Variants in TBC1D9 observed in about 807,000 individuals in gnomAD.
The protein encoded by TBC1D9 is TBC1 domain family member 9.
Under a neutral mutation model 132.0 loss-of-function variants are expected in TBC1D9, and 63 were observed. That is an observed-to-expected ratio of 0.48 (90% confidence interval 0.39 to 0.59). The LOEUF is 0.59. Among genes scored for constraint, TBC1D9 ranks in the 20% least tolerant of loss-of-function variants. The probability of loss-of-function intolerance (pLI) is 0.00; values close to 1 mark genes in which losing one functional copy is unlikely to be tolerated. For missense variants in TBC1D9, 1,261 were observed against 1,592.7 expected (o/e 0.79, Z 3.54); for synonymous variants, 610 against 609.9 (o/e 1.00, Z 0.00).
intron 2 of TBC1D9, 23 bp from the exon 3 acceptor site, chr4:140,686,485 T>A: frequency 7.1e-7 from 1 of 1,415,386 alleles, no homozygotes; most frequent in Non-Finnish European, 9.9e-7. Flanking sequence ...AAATAATAAT[T>A]CATGTCAGAT....
intron 13 of TBC1D9, among the ~76,000 whole-genome samples, chr4:140,649,738 G>T (rs1268683501): frequency 6.6e-6 from 1 of 152,120 alleles, no homozygotes; most frequent in East Asian, 1.9e-4. Context: ...AGAGGGTGAG[G>T]GGGGCAGAGG....
intron 9 of TBC1D9, among the ~76,000 whole-genome samples, chr4:140,664,249 A>T (rs1157866511): frequency 6.6e-6 from 1 of 151,858 alleles, no homozygotes; most frequent in Non-Finnish European, 1.5e-5. Flanking sequence ...GCTGCAGGAT[A>T]CAAAAAAGAA....
intron 1 of TBC1D9, among the ~76,000 whole-genome samples, chr4:140,739,042 C>T (rs1489484561): frequency 1.3e-5 from 2 of 152,086 alleles, no homozygotes; most frequent in East Asian, 3.9e-4. Context: ...GATGGAGTTT[C>T]GCTCTTGCTG....
At chr4:140,628,550 C>A (rs953961363) in intron 16 of TBC1D9, among the ~76,000 whole-genome samples, 185 bp from the exon 17 acceptor site, 10 of 152,208 alleles carry the variant, frequency 6.6e-5, no homozygotes, top group Non-Finnish European at 1.5e-4. Context: ...AAATCCTCTG[C>A]ATGTACTACA....
Position 140,690,115 on chromosome 4 carries a change from ATGG to A in TBC1D9, c.242-3656_242-3654del, listed in dbSNP as rs1484147846. Among the ~76,000 whole-genome samples the A allele has an allele frequency of 2.6e-5, 4 of 152,162 alleles. No homozygotes were observed. The East Asian group carries it at 7.8e-4, about 30-fold the overall frequency. On this transcript the variant is annotated intron_variant, in intron 2 of 20. Coordinates refer to ENST00000442267, the MANE Select transcript of TBC1D9 (RefSeq NM_015130.3). ...CCACACACACACTCCCATAGCAGAA[ATGG>A]TATATGCCCATATGAATGCACTCCT...
intron 13 of TBC1D9, among the ~76,000 whole-genome samples, chr4:140,649,629 G>GC (rs1281618118): frequency 6.6e-6 from 1 of 152,202 alleles, no homozygotes; most frequent in East Asian, 1.9e-4. Context: ...CGAAGGAGCA[G>GC]CCCCACACAC....
rs369018211 is a variant in TBC1D9, at chr4:140,691,445, C to A, written c.242-4983G>T. On this transcript the variant is annotated intron_variant, in intron 2 of 20. Transcript: ENST00000442267. ...ATAATATGAAGCTCCTTTGTCATGA[C>A]CCTGACAAGGAACTGATCTATTTAC... is the stretch of plus-strand genomic sequence containing the variant. 2.0e-4 allele frequency among the ~76,000 whole-genome samples: 30 copies of A among 152,266 alleles called. No individual in the cohort carries two copies. In the East Asian group the frequency reaches 4.4e-3, roughly 23 times the overall value.
intron 1 of TBC1D9, among the ~76,000 whole-genome samples, chr4:140,736,019 G>C (rs529331471): frequency 6.6e-6 from 1 of 152,306 alleles, no homozygotes; most frequent in South Asian, 2.1e-4. Context: ...CCTGAAACTG[G>C]AATGATACTG....
At chr4:140,667,084 C>T (rs183675212) in intron 9 of TBC1D9, among the ~76,000 whole-genome samples, 1 of 152,322 alleles carries the variant, frequency 6.6e-6, no homozygotes, top group African/African-American at 2.4e-5. Context: ...GTCATGATGC[C>T]GTCACCCTAA....
At chr4:140,699,729 A>T (rs988744075) in intron 2 of TBC1D9, among the ~76,000 whole-genome samples, 1 of 152,214 alleles carries the variant, frequency 6.6e-6, no homozygotes, top group South Asian at 2.1e-4. Flanking sequence ...CTGAAACAGA[A>T]AAAGAAAATG....
chr4:140,725,577 G>A (rs1382574469), intron 1 of TBC1D9, among the ~76,000 whole-genome samples: 2 of 152,222 alleles, frequency 1.3e-5, no homozygotes, highest in Non-Finnish European at 2.9e-5. Flanking sequence ...TTTTACAACT[G>A]GTGGCAGTTC....
intron 10 of TBC1D9, among the ~76,000 whole-genome samples, chr4:140,661,116 G>A (rs1000312199): frequency 3.9e-5 from 6 of 152,050 alleles, no homozygotes; most frequent in African/African-American, 9.7e-5. Context: ...GTGTTTCACC[G>A]TGTTAGCCAG....
chr4:140,647,946 T>G (rs1389126639), intron 13 of TBC1D9, among the ~76,000 whole-genome samples: 1 of 152,030 alleles, frequency 6.6e-6, no homozygotes, highest in African/African-American at 2.4e-5. Flanking sequence ...TCCCCCGACT[T>G]TGGGAGGGGC....
intron 9 of TBC1D9, among the ~76,000 whole-genome samples, chr4:140,666,597 C>CA (rs1737449315): frequency 1.3e-5 from 2 of 152,110 alleles, no homozygotes; most frequent in South Asian, 4.1e-4. Context: ...CTCGGCCTCC[C>CA]AAAGTGCTGG....
chr4:140,722,186 A>G (rs1309774604), intron 1 of TBC1D9, among the ~76,000 whole-genome samples: 1 of 152,220 alleles, frequency 6.6e-6, no homozygotes. Flanking sequence ...TTCAAATGGC[A>G]TGGAAACAAG....
chr4:140,708,818 G>T (rs1738186026), intron 1 of TBC1D9, among the ~76,000 whole-genome samples: 1 of 152,142 alleles, frequency 6.6e-6, no homozygotes, highest in Non-Finnish European at 1.5e-5. Flanking sequence ...GTCAGGGAAG[G>T]TGGCTGGGAC....
chr4:140,637,085 C>T (rs1736892681), intron 15 of TBC1D9, among the ~76,000 whole-genome samples: 1 of 152,210 alleles, frequency 6.6e-6, no homozygotes, highest in African/African-American at 2.4e-5. Flanking sequence ...GGCGTAGTGG[C>T]TCATGCCTGT....
intron 1 of TBC1D9, among the ~76,000 whole-genome samples, chr4:140,738,197 C>T (rs1449091209): frequency 2.6e-5 from 4 of 152,080 alleles, no homozygotes; most frequent in African/African-American, 7.3e-5. Flanking sequence ...ATCTTGGGAC[C>T]TCAAACTCAC....
intron 2 of TBC1D9, 47 bp downstream of exon 2, chr4:140,701,457 C>T (rs369857026): frequency 2.0e-6 from 3 of 1,466,690 alleles, no homozygotes; most frequent in African/African-American, 2.8e-5. Flanking sequence ...GTTGTTAACC[C>T]TAACGCTTCT....
Sources: allele counts gnomAD v4.1 joint callset (sites outside exome capture counted in the v4.1 genomes callset), GRCh38; gene constraint gnomAD v4.1.1; transcripts MANE v1.5; gene names NCBI Gene and HGNC (gene_info 2026-07-23, HGNC 2026-07-21).